CDKL5: variants seen among roughly 807,000 people sequenced by gnomAD.
CDKL5 encodes the protein cyclin-dependent kinase-like 5.
CDKL5 carries 8 observed loss-of-function variants against 61.7 expected under a neutral mutation model. The ratio of observed to expected loss-of-function variants is 0.13; its 90% confidence interval spans 0.08 to 0.23. The LOEUF (loss-of-function observed/expected upper bound fraction) is 0.23, where lower values mean the gene tolerates loss of function less well. Ranked by LOEUF, CDKL5 falls within the 10% of genes least tolerant of loss-of-function variation. The pLI, the probability that CDKL5 is intolerant of heterozygous loss-of-function variation, is 1.00. For missense variants in CDKL5, 440 were observed against 734.5 expected, an observed-to-expected ratio of 0.60 and a Z score of 4.63; for synonymous variants, 275 against 272.3, an observed-to-expected ratio of 1.01 and a Z score of -0.10.
intron 16 of CDKL5, among the ~76,000 whole-genome samples, chrX:18,620,201 A>C (rs1271279804): frequency 1.8e-5 from 2 of 112,500 alleles, no homozygotes; most frequent in Admixed American, 1.9e-4. Context: ...GACAGAGAAC[A>C]CTTTAAGCCT....
At position 18,612,848 on chromosome X, in the gene CDKL5, G is replaced by A. The variant is rs759037704; in HGVS notation, c.2153-304G>A. Among the ~76,000 whole-genome samples the A allele has an allele frequency of 6.3e-5, 7 of 110,457 alleles. 1 individual carries two copies. The highest frequency in any genetic ancestry group is 2.3e-4 in the African/African-American group (7 of 30,459). ...TCAGAAAACACAAAAGTTATGTGAA[G>A]AGCTGATGAGGATTTTTATATGTTT... is the stretch of plus-strand genomic sequence containing the variant. On this transcript the variant is annotated intron_variant, in intron 14 of 17. Transcript: ENST00000623535.
At chrX:18,552,132 G>A (rs186935614) in intron 3 of CDKL5, among the ~76,000 whole-genome samples, 5 of 108,873 alleles carry the variant, frequency 4.6e-5, no homozygotes, top group African/African-American at 1.7e-4. Context: ...CAGCTACTCA[G>A]GAGGCTGAGG....
In CDKL5 at chrX:18,588,038, A is replaced by T. The variant is rs970943968; in HGVS notation, c.639A>T (p.Gly213=). 1 of 1,207,842 alleles carries T rather than the reference A, an allele frequency of 8.3e-7. No individual in the cohort carries two copies. Among genetic ancestry groups the T allele is most frequent in the Non-Finnish European group, 1.1e-6 (1 of 893,595 alleles). ...ELSDGQPLFP[G]ESEIDQLFTI... ...GCGATGGACAGCCTTTATTTCCTGG[A>T]GAAAGTGAAATTGACCAACTTTTTA... The change falls in exon 9 of 18, where the codon GGA becomes GGT. Residue 213 remains glycine, a synonymous_variant. Transcript: ENST00000623535.
At chrX:18,602,035 A>G (rs1348235242) in intron 11 of CDKL5, among the ~76,000 whole-genome samples, 1 of 111,762 alleles carries the variant, frequency 8.9e-6, no homozygotes. Flanking sequence ...CACAGCCACG[A>G]TCTGAGTCAG....
In CDKL5 at chrX:18,633,339, G is replaced by A. The variant is rs1037127048; in HGVS notation, c.*4582G>A. 2.7e-5 allele frequency: 20 copies of A among 752,620 alleles called. 1 individual carries two copies. The South Asian group carries it at 8.2e-4, about 31-fold the overall frequency. The allele number at this position is 752,620 out of a possible 1,213,427, so 62.0% of individuals were successfully genotyped here. ...AGAGAAAACTTACTTATGGTTTGAA[G>A]AACCACAATTGTTTTTGAAAGGGGA... On this transcript the variant is annotated 3_prime_UTR_variant, in exon 18 of 18. Transcript: ENST00000623535.
intron 1 of CDKL5, among the ~76,000 whole-genome samples, chrX:18,493,814 C>T (rs945678794): frequency 8.9e-6 from 1 of 111,999 alleles, no homozygotes; most frequent in Non-Finnish European, 1.9e-5. Context: ...CCAAAGAAAC[C>T]GTGTTAAAAT....
intron 1 of CDKL5, among the ~76,000 whole-genome samples, chrX:18,459,638 G>C (rs1932228697): frequency 9.2e-6 from 1 of 108,183 alleles, no homozygotes; most frequent in Non-Finnish European, 1.9e-5. Context: ...TTCATGGATG[G>C]TTCTGCAGGC....
chrX:18,613,242 A>G lies in CDKL5; in HGVS notation c.2243A>G (p.Asn748Ser), dbSNP rs748459878. Residue 748 changes from asparagine to serine, a missense_variant, in exon 15 of 18, where the codon AAC becomes AGC. Physicochemically the swap from Asn to Ser is conservative, Grantham distance 46. Around this residue, in one of 2 missense-constraint regions of CDKL5, gnomAD observed 363 missense variants for 516.3 expected, o/e 0.70. Transcript: ENST00000623535. ...CCATCAGAGAGCAGTTCTGGAACCA[A>G]CCACTCAAAAAGACAACCAGCATTC... ...SLPSESSSGT[N>S]HSKRQPAFDP... is the part of the protein sequence containing the mutation. The G allele has an allele frequency of 4.8e-5, 58 of 1,202,981 alleles. No individual in the cohort carries two copies. Among genetic ancestry groups the G allele is most frequent in the African/African-American group, 1.8e-4 (10 of 56,912 alleles).
intron 8 of CDKL5, chrX:18,587,576 C>A: frequency 1.1e-5 from 2 of 184,338 alleles, no homozygotes; most frequent in Non-Finnish European, 1.0e-5. Context: ...ATTTAGAGAG[C>A]TAAAGGATAA....
rs1252627062 is a variant in CDKL5 at position 18,639,260 on chromosome X, G to C, written c.*10503G>C. On this transcript the variant is annotated 3_prime_UTR_variant, in exon 18 of 18. Transcript: ENST00000623535. Reference sequence around the variant, plus strand: ...GGTTAAAAAGATCCACAGAATGGGAGAAAATATTTGCAAATCATATCCAAT... The same window carrying C: ...GGTTAAAAAGATCCACAGAATGGGACAAAATATTTGCAAATCATATCCAAT... Among the ~76,000 whole-genome samples, 3 of 112,336 alleles carry C rather than the reference G, an allele frequency of 2.7e-5. No individual in the cohort carries two copies. Among genetic ancestry groups the C allele is most frequent in the African/African-American group, 9.7e-5 (3 of 30,944 alleles).
chrX:18,516,163 G>T (rs1464044179), intron 3 of CDKL5, among the ~76,000 whole-genome samples: 1 of 110,607 alleles, frequency 9.0e-6, no homozygotes, highest in African/African-American at 3.3e-5. Flanking sequence ...GCTAATTTTT[G>T]TATTTTTAAT....
At chrX:18,472,431 C>T (rs998923206) in intron 1 of CDKL5, among the ~76,000 whole-genome samples, 2 of 111,607 alleles carry the variant, frequency 1.8e-5, no homozygotes, top group East Asian at 5.6e-4. Flanking sequence ...GAGAGGAAAA[C>T]GAGTACAAAC....
At chrX:18,472,463 C>G (rs766476063) in intron 1 of CDKL5, among the ~76,000 whole-genome samples, 2 of 112,001 alleles carry the variant, frequency 1.8e-5, no homozygotes, top group African/African-American at 6.5e-5. Context: ...GTAACTTTTA[C>G]ATAGTCTTTG....
At chrX:18,620,497 G>A (rs904504936) in intron 16 of CDKL5, among the ~76,000 whole-genome samples, 3 of 111,174 alleles carry the variant, frequency 2.7e-5, no homozygotes, top group Admixed American at 9.6e-5. Flanking sequence ...CCTTTTGATC[G>A]CGCTGTGGGT....
intron 3 of CDKL5, among the ~76,000 whole-genome samples, chrX:18,543,413 C>T (rs778792247): frequency 9.1e-6 from 1 of 109,963 alleles, no homozygotes; most frequent in South Asian, 4.0e-4. Flanking sequence ...GTGCCGAAGT[C>T]CCTATGCAGT....
rs1008004396 is a variant in CDKL5, at chrX:18,617,036, T to C, written c.2277-2831T>C. ...CTTGAGTGAGATCAGATTCGTTCTT[T>C]TATTTTTCTCTGTTTCTTCAACACC... is the stretch of plus-strand genomic sequence containing the variant. On this transcript the variant is annotated intron_variant, in intron 15 of 17. Transcript: ENST00000623535. 7.2e-5 allele frequency among the ~76,000 whole-genome samples: 8 copies of C among 111,421 alleles called. No homozygotes were observed. The Admixed American group carries it at 7.6e-4, about 11-fold the overall frequency.
At chrX:18,551,253 C>T (rs1302799463) in intron 3 of CDKL5, among the ~76,000 whole-genome samples, 1 of 110,763 alleles carries the variant, frequency 9.0e-6, no homozygotes, top group Non-Finnish European at 1.9e-5. Context: ...TTAAGTGATT[C>T]ATCTTGAATT....
At position 18,507,552 on chromosome X, in the gene CDKL5, T is replaced by TTTCATTCA. The variant is rs201508159; in HGVS notation, c.64+425_64+432dup. ...CTAGGCTTATTTTGAATAACTTAAA[T>TTTCATTCA]TTCATTCATTCATTCATTCATTCAT... On this transcript the variant is annotated intron_variant, in intron 2 of 17. Transcript: ENST00000623535. 2.8e-3 allele frequency among the ~76,000 whole-genome samples: 288 copies of TTTCATTCA among 102,711 alleles called. 1 individual carries two copies. The highest frequency in any genetic ancestry group is 8.2e-3 in the African/African-American group (228 of 27,950). The allele number at this position is 102,711 out of a possible 115,157, so 89.2% of individuals were successfully genotyped here.
In CDKL5 at chrX:18,632,907, G is replaced by A. The variant is rs899665519; in HGVS notation, c.*4150G>A. 20 of 749,824 alleles carry A rather than the reference G, an allele frequency of 2.7e-5. No homozygotes were observed. Among genetic ancestry groups the A allele is most frequent in the Non-Finnish European group, 2.7e-5 (17 of 636,327 alleles). 61.8% of individuals were successfully genotyped at this position (749,824 alleles called of 1,213,427 possible). A position where few individuals can be genotyped will look rare whatever the true frequency, so the allele number is the denominator to read the frequency against. ...AAGCCATTTATTTTCTTCTAGCCATGTATTATTGAGAATGACTCATAGTAC... is the reference window on the plus strand; with the variant it reads ...AAGCCATTTATTTTCTTCTAGCCATATATTATTGAGAATGACTCATAGTAC... On this transcript the variant is annotated 3_prime_UTR_variant, in exon 18 of 18. Transcript: ENST00000623535.
Sources: allele counts gnomAD v4.1 joint callset (sites outside exome capture counted in the v4.1 genomes callset), GRCh38; gene constraint gnomAD v4.1.1; regional missense constraint gnomAD v4.1.1; transcripts MANE v1.5; gene names NCBI Gene and HGNC (gene_info 2026-07-23, HGNC 2026-07-21).